The following AOAH variants were observed in gnomAD, a reference collection of about 807,000 sequenced individuals.
AOAH encodes acyloxyacyl hydrolase.
A neutral mutation model predicts 92.2 loss-of-function variants in AOAH; 64 were observed. That is an observed-to-expected ratio of 0.69 (90% CI 0.57 to 0.86). AOAH has a LOEUF of 0.86. Among genes scored for constraint, AOAH ranks in the 40% least tolerant of loss-of-function variants. The pLI is 0.00. For synonymous variants in AOAH, 263 were observed against 254.5 expected (o/e 1.03, Z -0.32); for missense variants, 656 against 694.6 (o/e 0.94, Z 0.62).
rs200658754 is a variant in AOAH at position 36,602,151 on chromosome 7, A to T, written c.847-7721T>A. 2.2e-4 allele frequency among the ~76,000 whole-genome samples: 34 copies of T among 152,326 alleles called. 2 individuals are homozygous for T. The East Asian group carries it at 5.8e-3, about 26-fold the overall frequency. On this transcript the variant is annotated intron_variant, in intron 11 of 20. Transcript: ENST00000617537. ...GGGGGCAGTGAATAAACAATCAAAT[A>T]AAAAATTCTAGCAAAATATGACAAG...
At chr7:36,553,126 C>T (rs533507730) in intron 13 of AOAH, among the ~76,000 whole-genome samples, 1 of 119,908 alleles carries the variant, frequency 8.3e-6, no homozygotes. Flanking sequence ...CCCCTCCCCC[C>T]ACCCCACAAC....
chr7:36,574,208 C>T (rs1788332165), intron 13 of AOAH, among the ~76,000 whole-genome samples: 1 of 152,164 alleles, frequency 6.6e-6, no homozygotes, highest in Admixed American at 6.6e-5. Flanking sequence ...ACAAAGTATA[C>T]ATTTTATGCA....
chr7:36,563,977 TA>T (rs1787486457), intron 13 of AOAH, among the ~76,000 whole-genome samples: 1 of 152,232 alleles, frequency 6.6e-6, no homozygotes, highest in Admixed American at 6.5e-5. Context: ...GAATTTCAGC[TA>T]AATGATTCTC....
At chr7:36,519,295 A>G (rs1783988901) in intron 20 of AOAH, among the ~76,000 whole-genome samples, 1 of 152,192 alleles carries the variant, frequency 6.6e-6, no homozygotes, top group East Asian at 1.9e-4. Context: ...TATTTCCTCC[A>G]ACATGCCACG....
At chr7:36,598,941 C>T (rs114724181) in intron 11 of AOAH, among the ~76,000 whole-genome samples, 89 of 152,224 alleles carry the variant, frequency 5.8e-4, no homozygotes, top group African/African-American at 2.0e-3. Flanking sequence ...TTAGGAAACT[C>T]GTTTTAAATG....
intron 1 of AOAH, among the ~76,000 whole-genome samples, chr7:36,698,040 C>A (rs1797824472): frequency 6.6e-6 from 1 of 152,102 alleles, no homozygotes; most frequent in Admixed American, 6.5e-5. Context: ...TAATTTTCAG[C>A]CACCTAATTT....
At chr7:36,696,075 T>A (rs1797692242) in intron 1 of AOAH, among the ~76,000 whole-genome samples, 1 of 152,232 alleles carries the variant, frequency 6.6e-6, no homozygotes, top group African/African-American at 2.4e-5. Context: ...GGAAACTTGG[T>A]TGAAAATCAG....
At chr7:36,627,343 G>A (rs4723547) in intron 6 of AOAH, among the ~76,000 whole-genome samples, 19,936 of 152,198 alleles carry the variant, frequency 0.13, 1,399 homozygotes, top group South Asian at 0.2. Flanking sequence ...ACTGAGGACA[G>A]CGTAGTGGGA....
rs576903074 is a variant in AOAH, at chr7:36,532,257, G to A, written c.1365+29C>T. The A allele has an allele frequency of 1.4e-5, 22 of 1,614,126 alleles. 1 individual carries two copies. The South Asian group carries it at 2.4e-4, about 18-fold the overall frequency. ...TACAGAGGATCAGGGTAGGTAAGCG[G>A]GCCTTGAAGCAAGCCAGTGAGTGCT... On this transcript the variant is annotated intron_variant, in intron 17 of 20. Coordinates refer to ENST00000617537, the MANE Select transcript of AOAH (RefSeq NM_001637.4).
At chr7:36,659,862 C>G (rs562462251) in intron 3 of AOAH, among the ~76,000 whole-genome samples, 1 of 151,446 alleles carries the variant, frequency 6.6e-6, no homozygotes, top group South Asian at 2.1e-4. Context: ...TCTAGATGGC[C>G]TGCAGGAGCC....
At chr7:36,517,182 C>CTTTG (rs1286329506) in intron 20 of AOAH, among the ~76,000 whole-genome samples, 1 of 59,162 alleles carries the variant, frequency 1.7e-5, no homozygotes, top group Admixed American at 2.3e-4. Flanking sequence ...TTCTTTCTTT[C>CTTTG]TTTCTTTCTT....
chr7:36,605,147 A>G (rs1790909623), intron 11 of AOAH, among the ~76,000 whole-genome samples: 1 of 152,202 alleles, frequency 6.6e-6, no homozygotes, highest in Non-Finnish European at 1.5e-5. Flanking sequence ...AGGAAATCAT[A>G]TAGAAGCCAG....
At chr7:36,678,594 T>TGCGCGC (rs1201121377) in intron 2 of AOAH, among the ~76,000 whole-genome samples, 2 of 138,982 alleles carry the variant, frequency 1.4e-5, no homozygotes, top group African/African-American at 5.6e-5. Flanking sequence ...TGTGTGTGTG[T>TGCGCGC]GTGTGTGCGC....
chr7:36,699,629 G>T (rs1797910106), intron 1 of AOAH, among the ~76,000 whole-genome samples: 1 of 60,306 alleles, frequency 1.7e-5, no homozygotes, highest in Non-Finnish European at 3.1e-5. Flanking sequence ...TTTTAAATTG[G>T]ATTATTTGTT....
intron 4 of AOAH, among the ~76,000 whole-genome samples, chr7:36,650,178 A>G (rs929035101): frequency 6.6e-6 from 1 of 151,484 alleles, no homozygotes; most frequent in African/African-American, 2.4e-5. Flanking sequence ...CCGTCTTGGG[A>G]GCTCTGGGAG....
At chr7:36,663,064 A>G (rs1795312035) in intron 3 of AOAH, among the ~76,000 whole-genome samples, 1 of 150,468 alleles carries the variant, frequency 6.6e-6, no homozygotes. Flanking sequence ...ATCTTTAAGC[A>G]GTCTGCAAAC....
chr7:36,596,588 T>C (rs1231736734), intron 11 of AOAH, among the ~76,000 whole-genome samples: 11 of 152,050 alleles, frequency 7.2e-5, no homozygotes, highest in African/African-American at 2.7e-4. Flanking sequence ...GGCCGTGCAA[T>C]GGTGGAGGCA....
Position 36,691,941 on chromosome 7 carries a change from G to A in AOAH, c.128-5147C>T, listed in dbSNP as rs540902864. Among the ~76,000 whole-genome samples, 3 of 152,302 alleles carry A rather than the reference G, an allele frequency of 2.0e-5. No homozygotes were observed. The East Asian group carries it at 5.8e-4, about 29-fold the overall frequency. ...CATGACGGAAAACCGAGGTGCTTCA[G>A]CCAGCAGATCACCTAGATCATTCCA... On this transcript the variant is annotated intron_variant, in intron 1 of 20. Coordinates refer to ENST00000617537, the MANE Select transcript of AOAH (RefSeq NM_001637.4).
At chr7:36,517,367 C>G (rs933301117) in intron 20 of AOAH, among the ~76,000 whole-genome samples, 2 of 150,776 alleles carry the variant, frequency 1.3e-5, no homozygotes, top group Non-Finnish European at 3.0e-5. Flanking sequence ...CTCGGCTCAC[C>G]GGAAGCTCCG....
Sources: gnomAD v4.1 joint callset for allele counts (sites outside exome capture counted in the v4.1 genomes callset) on GRCh38, gnomAD v4.1.1 for gene constraint, MANE v1.5 for transcripts, NCBI Gene and HGNC (gene_info 2026-07-23, HGNC 2026-07-21) for gene names.